The following PARD3 variants were observed in gnomAD, a reference collection of about 807,000 sequenced individuals.
The protein encoded by PARD3 is partitioning defective 3 homolog.
PARD3 carries 75 observed loss-of-function variants against 155.4 expected under a neutral mutation model. That is an observed-to-expected ratio of 0.48 (90% confidence interval 0.40 to 0.58). The LOEUF (loss-of-function observed/expected upper bound fraction) is 0.58, where lower values mean the gene tolerates loss of function less well. Among genes scored for constraint, PARD3 ranks in the 20% least tolerant of loss-of-function variants. The probability of loss-of-function intolerance (pLI) is 0.00; values close to 1 mark genes in which losing one functional copy is unlikely to be tolerated. For missense variants in PARD3, 1,642 were observed against 1,721.7 expected (o/e 0.95, Z 0.82); for synonymous variants, 576 against 610.5 (o/e 0.94, Z 0.83).
At chr10:34,558,460 G>A (rs1590008625) in intron 2 of PARD3, among the ~76,000 whole-genome samples, 1 of 152,208 alleles carries the variant, frequency 6.6e-6, no homozygotes, top group East Asian at 1.9e-4. Flanking sequence ...AGTCAACCAT[G>A]ATTGGGGAAT....
At chr10:34,111,994 T>C (rs1946408371) in intron 24 of PARD3, among the ~76,000 whole-genome samples, 2 of 152,196 alleles carry the variant, frequency 1.3e-5, no homozygotes, top group African/African-American at 4.8e-5. Flanking sequence ...ACAACAAATA[T>C]TTTACACAGC....
At chr10:34,150,594 G>A (rs11595985) in intron 22 of PARD3, among the ~76,000 whole-genome samples, 2 of 151,984 alleles carry the variant, frequency 1.3e-5, no homozygotes, top group Non-Finnish European at 2.9e-5. Flanking sequence ...GTGACGTGCC[G>A]GACTCTGCCG....
intron 1 of PARD3, among the ~76,000 whole-genome samples, chr10:34,806,850 C>T (rs781678883): frequency 4.6e-5 from 7 of 152,130 alleles, no homozygotes; most frequent in Non-Finnish European, 7.4e-5. Flanking sequence ...GAGCAGGAGT[C>T]CCTGCACAGC....
At chr10:34,467,745 CTAAA>C (rs373700816) in intron 4 of PARD3, among the ~76,000 whole-genome samples, 1 of 151,888 alleles carries the variant, frequency 6.6e-6, no homozygotes, top group Non-Finnish European at 1.5e-5. Context: ...GACCCCATCT[CTAAA>C]TAAATAAATA....
At chr10:34,573,733 AAAAACACACACACACAC>A (rs1564367846) in intron 2 of PARD3, among the ~76,000 whole-genome samples, 7,422 of 118,222 alleles carry the variant, frequency 0.063, 230 homozygotes, top group Middle Eastern at 0.12. Context: ...ACAAACAAAC[AAAAACACACACACACAC>A]ACACACACAC....
intron 23 of PARD3, among the ~76,000 whole-genome samples, chr10:34,122,488 G>A (rs1168560507): frequency 6.6e-6 from 1 of 152,146 alleles, no homozygotes; most frequent in African/African-American, 2.4e-5. Context: ...AACTTAAAAG[G>A]AGTGAATGAG....
intron 22 of PARD3, among the ~76,000 whole-genome samples, chr10:34,188,847 A>G (rs1235925379): frequency 6.6e-6 from 1 of 151,998 alleles, no homozygotes; most frequent in South Asian, 2.1e-4. Flanking sequence ...ATTCCAAGAA[A>G]CAAATCTGAC....
At chr10:34,294,664 G>C (rs1308488295) in intron 20 of PARD3, among the ~76,000 whole-genome samples, 1 of 152,076 alleles carries the variant, frequency 6.6e-6, no homozygotes, top group Non-Finnish European at 1.5e-5. Flanking sequence ...TTCTACATTA[G>C]GGAGCTGACA....
rs542801041 is a variant in PARD3 at position 34,546,342 on chromosome 10, C to T, written c.223-29183G>A. 9.2e-5 allele frequency among the ~76,000 whole-genome samples: 14 copies of T among 151,942 alleles called. No homozygotes were observed. The East Asian group carries it at 2.7e-3, about 30-fold the overall frequency. On this transcript the variant is annotated intron_variant, in intron 2 of 24. Coordinates refer to ENST00000374788, the MANE Select transcript of PARD3 (RefSeq NM_001184785.2). ...ACCAGTCTGTCCAACATAGTGAAAC[C>T]CCGCCTCTACTAAAAATACAAAAAA...
chr10:34,158,373 A>G (rs1949114461), intron 22 of PARD3, among the ~76,000 whole-genome samples: 1 of 152,228 alleles, frequency 6.6e-6, no homozygotes, highest in Non-Finnish European at 1.5e-5. Flanking sequence ...TCTCTTTGGC[A>G]TCTCCACTCC....
At chr10:34,777,003 ATTTTTTTTT>A (rs758917237) in intron 1 of PARD3, among the ~76,000 whole-genome samples, 1 of 122,410 alleles carries the variant, frequency 8.2e-6, no homozygotes, top group Non-Finnish European at 1.7e-5. Flanking sequence ...TGTCTGGCTA[ATTTTTTTTT>A]TTTTTTTTTT....
At chr10:34,389,728 G>A (rs1259424780) in intron 7 of PARD3, among the ~76,000 whole-genome samples, 1 of 151,732 alleles carries the variant, frequency 6.6e-6, no homozygotes, top group African/African-American at 2.4e-5. Flanking sequence ...CCCATGGGGG[G>A]CCAGCAACTA....
chr10:34,397,468 T>C (rs572465251), intron 7 of PARD3, among the ~76,000 whole-genome samples: 2 of 152,336 alleles, frequency 1.3e-5, no homozygotes, highest in South Asian at 2.1e-4. Context: ...GCCAAACTAA[T>C]AGGGCTTAAA....
intron 14 of PARD3, among the ~76,000 whole-genome samples, chr10:34,352,903 C>A (rs1187712405): frequency 6.6e-6 from 1 of 151,784 alleles, no homozygotes; most frequent in African/African-American, 2.4e-5. Flanking sequence ...AAGTGAGGAG[C>A]GTCTCTGCCC....
intron 4 of PARD3, among the ~76,000 whole-genome samples, chr10:34,463,195 G>A (rs957461996): frequency 1.5e-5 from 2 of 136,474 alleles, no homozygotes; most frequent in Non-Finnish European, 3.2e-5. Flanking sequence ...AAAGAGAAGG[G>A]GAAGGAAAGG....
chr10:34,723,631 C>T (rs946814991), intron 1 of PARD3, among the ~76,000 whole-genome samples: 4 of 152,216 alleles, frequency 2.6e-5, no homozygotes, highest in African/African-American at 9.6e-5. Context: ...TAATTAATCT[C>T]AGCTTTATGA....
In PARD3 at chr10:34,449,791, A is replaced by G. The variant is rs566590521; in HGVS notation, c.714+526T>C. 7.9e-5 allele frequency among the ~76,000 whole-genome samples: 12 copies of G among 152,348 alleles called. No individual in the cohort carries two copies. In the South Asian group the frequency reaches 8.3e-4, roughly 11 times the overall value. On this transcript the variant is annotated intron_variant, in intron 5 of 24. Coordinates refer to ENST00000374788, the MANE Select transcript of PARD3 (RefSeq NM_001184785.2). ...GTGGCTGCACTGCACAGTGAAACAG[A>G]TAACTCTAAAGACTGATAAACCTAA... is the stretch of plus-strand genomic sequence containing the variant.
chr10:34,145,286 C>A (rs1170604603), intron 22 of PARD3, among the ~76,000 whole-genome samples: 3 of 131,912 alleles, frequency 2.3e-5, no homozygotes, highest in Non-Finnish European at 3.1e-5. Context: ...ACAATGCTGT[C>A]CTTTTTGAAA....
intron 12 of PARD3, among the ~76,000 whole-genome samples, chr10:34,371,062 A>T (rs1016673188): frequency 6.6e-6 from 1 of 151,978 alleles, no homozygotes; most frequent in Non-Finnish European, 1.5e-5. Flanking sequence ...TGTTTAAATG[A>T]TCTATTTGTT....
Sources: gnomAD v4.1 joint callset for allele counts (sites outside exome capture counted in the v4.1 genomes callset) on GRCh38, gnomAD v4.1.1 for gene constraint, MANE v1.5 for transcripts, NCBI Gene and HGNC (gene_info 2026-07-23, HGNC 2026-07-21) for gene names.